DDAH1: variants seen among roughly 807,000 people sequenced by gnomAD.
The protein encoded by DDAH1 is N(G),N(G)-dimethylarginine dimethylaminohydrolase 1.
Under a neutral mutation model 28.8 loss-of-function variants are expected in DDAH1, and 19 were observed. The ratio of observed to expected loss-of-function variants is 0.66; its 90% confidence interval spans 0.46 to 0.97. DDAH1 has a LOEUF of 0.97. Ranked by LOEUF, DDAH1 falls within the 50% of genes least tolerant of loss-of-function variation. DDAH1 has a pLI of 0.00. For missense variants in DDAH1, 326 were observed against 375.9 expected (o/e 0.87, Z 1.10); for synonymous variants, 153 against 154.4 (o/e 0.99, Z 0.07).
intron 1 of DDAH1, among the ~76,000 whole-genome samples, chr1:85,393,304 G>A (rs544137944): frequency 6.6e-6 from 1 of 152,118 alleles, no homozygotes; most frequent in Non-Finnish European, 1.5e-5. Context: ...CACTTGTGGG[G>A]ACAGTCTCTC....
At position 85,358,776 on chromosome 1, in the gene DDAH1, AG is replaced by A. The variant is rs1180181061; in HGVS notation, c.374del (p.Thr125IlefsTer2). 1.2e-6 allele frequency: 2 copies of A among 1,611,890 alleles called. No individual in the cohort carries two copies. The highest frequency in any genetic ancestry group is 2.7e-5 in the African/African-American group (2 of 74,860). On this transcript the variant is annotated frameshift_variant, in exon 2 of 6. Transcript: ENST00000284031. LOFTEE classifies it high-confidence loss of function. ...NIVEMKDENA[T>X]LDGGDVLFTG... ...TGAATAAAACATCTCCGCCATCTAA[AG>A]TTGCATTTTCATCTTTCATCTCTAC...
At chr1:85,574,977 C>A (rs1334121457) in intron 1 of DDAH1, among the ~76,000 whole-genome samples, 1 of 152,022 alleles carries the variant, frequency 6.6e-6, no homozygotes, top group Admixed American at 6.5e-5. Context: ...CAGTGGCTCA[C>A]ACCTGCAATC....
intron 1 of DDAH1, among the ~76,000 whole-genome samples, chr1:85,445,612 CCTA>C (rs1477196979): frequency 6.6e-6 from 1 of 152,062 alleles, no homozygotes; most frequent in Admixed American, 6.6e-5. Context: ...AATTTACTTA[CCTA>C]CTTATTTATT....
At chr1:85,505,822 T>C (rs944895291) in intron 1 of DDAH1, among the ~76,000 whole-genome samples, 1 of 152,232 alleles carries the variant, frequency 6.6e-6, no homozygotes, top group Non-Finnish European at 1.5e-5. Context: ...AGAAACTTAC[T>C]TGGAATATTA....
chr1:85,395,080 G>GA (rs1028456529), intron 1 of DDAH1, among the ~76,000 whole-genome samples: 23 of 152,122 alleles, frequency 1.5e-4, no homozygotes, highest in Admixed American at 6.5e-4. Flanking sequence ...TGTTTTGGGT[G>GA]AAAAAAATTA....
intron 2 of DDAH1, among the ~76,000 whole-genome samples, chr1:85,484,684 A>T (rs1490062501): frequency 6.6e-6 from 1 of 152,248 alleles, no homozygotes; most frequent in Non-Finnish European, 1.5e-5. Flanking sequence ...ATGCATGTCA[A>T]TTTAATGATG....
At position 85,322,921 on chromosome 1, in the gene DDAH1, G is replaced by C. The variant is rs569146420; in HGVS notation, c.742-1353C>G. On this transcript the variant is annotated intron_variant, in intron 5 of 5. Coordinates refer to ENST00000284031, the MANE Select transcript of DDAH1 (RefSeq NM_012137.4). ...TTCTCAAAGTGAGTTCTGTGACTGG[G>C]TGCTTGTTGATATTGCAGATTCTAG... Among the ~76,000 whole-genome samples, 63 of 152,250 alleles carry C rather than the reference G, an allele frequency of 4.1e-4. No individual in the cohort carries two copies. The Middle Eastern group carries it at 0.01, about 25-fold the overall frequency.
chr1:85,414,005 T>C (rs1652774407), intron 1 of DDAH1, among the ~76,000 whole-genome samples: 1 of 152,240 alleles, frequency 6.6e-6, no homozygotes, highest in East Asian at 1.9e-4. Context: ...TAATAACAGA[T>C]GACATTTATT....
chr1:85,568,008 G>A (rs6676885), intron 1 of DDAH1, among the ~76,000 whole-genome samples: 1,954 of 152,156 alleles, frequency 0.013, 41 homozygotes, highest in African/African-American at 0.044. Context: ...ATAAAATGAA[G>A]CTAGAAATAA....
At chr1:85,333,451 C>T (rs752690394) in intron 4 of DDAH1, among the ~76,000 whole-genome samples, 1 of 152,044 alleles carries the variant, frequency 6.6e-6, no homozygotes, top group Non-Finnish European at 1.5e-5. Flanking sequence ...TCCAAAGGAA[C>T]ATAATAATTC....
At chr1:85,434,027 G>C (rs1483769196) in intron 1 of DDAH1, among the ~76,000 whole-genome samples, 1 of 151,982 alleles carries the variant, frequency 6.6e-6, no homozygotes, top group Non-Finnish European at 1.5e-5. Flanking sequence ...ATACATTTAA[G>C]ATACCATATC....
chr1:85,405,551 G>A (rs1652363896), intron 1 of DDAH1, among the ~76,000 whole-genome samples: 1 of 152,060 alleles, frequency 6.6e-6, no homozygotes, highest in Admixed American at 6.6e-5. Context: ...CAGGAGCAGG[G>A]GCTGTATCAA....
chr1:85,506,389 A>G (rs1657019472), intron 1 of DDAH1, among the ~76,000 whole-genome samples: 1 of 152,220 alleles, frequency 6.6e-6, no homozygotes, highest in Non-Finnish European at 1.5e-5. Context: ...TTTTTAAAAA[A>G]ATAAATGACC....
At chr1:85,408,264 T>C (rs1652498510) in intron 1 of DDAH1, among the ~76,000 whole-genome samples, 1 of 150,932 alleles carries the variant, frequency 6.6e-6, no homozygotes, top group Non-Finnish European at 1.5e-5. Flanking sequence ...TTCTTCCTCA[T>C]CTTTCCCCTT....
At chr1:85,448,369 G>A (rs1654527560) in intron 1 of DDAH1, among the ~76,000 whole-genome samples, 1 of 152,180 alleles carries the variant, frequency 6.6e-6, no homozygotes, top group African/African-American at 2.4e-5. Flanking sequence ...TGCTCTAAGA[G>A]ATAAGGAATG....
chr1:85,355,148 TAAAAC>T (rs755872597), intron 2 of DDAH1, among the ~76,000 whole-genome samples: 16 of 152,028 alleles, frequency 1.1e-4, no homozygotes, highest in African/African-American at 2.7e-4. Flanking sequence ...ATTGAAAACT[TAAAAC>T]AGATAAAATC....
chr1:85,431,925 C>T (rs1653704542), intron 1 of DDAH1, among the ~76,000 whole-genome samples: 3 of 152,164 alleles, frequency 2.0e-5, no homozygotes, highest in Admixed American at 1.3e-4. Context: ...TTTCCCACAA[C>T]CTCAGGCACC....
chr1:85,361,983 C>A (rs1261347219), intron 1 of DDAH1, among the ~76,000 whole-genome samples: 1 of 152,182 alleles, frequency 6.6e-6, no homozygotes, highest in East Asian at 1.9e-4. Flanking sequence ...CTTGTGTATA[C>A]ACAGTGACAG....
intron 1 of DDAH1, among the ~76,000 whole-genome samples, chr1:85,400,560 T>C (rs143880647): frequency 1.3e-5 from 2 of 152,176 alleles, no homozygotes; most frequent in African/African-American, 4.8e-5. Context: ...TTCTATAATA[T>C]TGAATTAACT....
Sources: gnomAD v4.1 joint callset for allele counts (sites outside exome capture counted in the v4.1 genomes callset) on GRCh38, gnomAD v4.1.1 for gene constraint, MANE v1.5 for transcripts, NCBI Gene and HGNC (gene_info 2026-07-23, HGNC 2026-07-21) for gene names.